OR56A3: variants seen among roughly 807,000 people sequenced by gnomAD.
OR56A3 encodes olfactory receptor family 56 subfamily A member 3.
In OR56A3, 23 loss-of-function variants were observed where a neutral mutation model predicts 17.5. The observed-to-expected ratio is 1.32, with a 90% CI of 0.95 to 1.87. The LOEUF (loss-of-function observed/expected upper bound fraction) is 1.87, where lower values mean the gene tolerates loss of function less well. Ranked by LOEUF, OR56A3 falls within the 40% of genes most tolerant of loss-of-function variation. The pLI, the probability that OR56A3 is intolerant of heterozygous loss-of-function variation, is 0.00. For synonymous variants in OR56A3, 175 were observed against 150.6 expected, an observed-to-expected ratio of 1.16 and a Z score of -1.19; for missense variants, 366 against 380.1, an observed-to-expected ratio of 0.96 and a Z score of 0.31.
At chr11:5,985,690 G>A in the OR56A3 span, among the ~76,000 whole-genome samples, 4 of 152,166 alleles carry the variant, frequency 2.6e-5, no homozygotes. Flanking sequence ...AAGTCCTACT[G>A]ACACAAGGAG....
the OR56A3 span, among the ~76,000 whole-genome samples, chr11:5,993,298 A>C: frequency 6.6e-6 from 1 of 152,230 alleles, no homozygotes; most frequent in Non-Finnish European, 1.5e-5. Flanking sequence ...AGACATGATC[A>C]AAATCTCATT....
chr11:6,006,222 A>G, the OR56A3 span: 3 of 152,156 alleles, frequency 2.0e-5, no homozygotes, highest in Admixed American at 6.5e-5. Context: ...AGGTAATAAT[A>G]TATTTTCAGC....
At chr11:5,957,465 G>A in the OR56A3 span, among the ~76,000 whole-genome samples, 1 of 152,116 alleles carries the variant, frequency 6.6e-6, no homozygotes, top group Non-Finnish European at 1.5e-5. Flanking sequence ...AACATATAGG[G>A]GAATAGCTTC....
chr11:5,972,364 G>A, the OR56A3 span, among the ~76,000 whole-genome samples: 2 of 152,024 alleles, frequency 1.3e-5, no homozygotes, highest in Non-Finnish European at 1.5e-5. Flanking sequence ...TTTTCATGGG[G>A]ATTAATATAA....
chr11:6,012,772 C>A, the OR56A3 span, among the ~76,000 whole-genome samples: 3 of 152,230 alleles, frequency 2.0e-5, no homozygotes, highest in African/African-American at 7.2e-5. Flanking sequence ...CAAGGGGCAC[C>A]TTTAGGCCAC....
chr11:6,010,406 C>T, the OR56A3 span, among the ~76,000 whole-genome samples: 3 of 152,042 alleles, frequency 2.0e-5, no homozygotes, highest in Non-Finnish European at 2.9e-5. Context: ...GAGGTGTAGC[C>T]TTTGGGAGGT....
At chr11:5,957,536 C>T in the OR56A3 span, among the ~76,000 whole-genome samples, 53 of 152,116 alleles carry the variant, frequency 3.5e-4, no homozygotes, top group Admixed American at 2.0e-3. Context: ...TACAAGATAA[C>T]GGAGAAAGCA....
chr11:6,021,711 C>T, the OR56A3 span: 1 of 151,742 alleles, frequency 6.6e-6, no homozygotes, highest in African/African-American at 2.4e-5. Flanking sequence ...GCACAAACCC[C>T]CAAAGGCAGA....
chr11:5,955,203 A>G (rs1051969990), downstream of OR56A3, among the ~76,000 whole-genome samples: 4 of 152,176 alleles, frequency 2.6e-5, no homozygotes, highest in African/African-American at 9.7e-5. Context: ...GTAGTATGTA[A>G]CTAGCACTGG....
chr11:5,960,146 A>G, the OR56A3 span, among the ~76,000 whole-genome samples: 4 of 152,100 alleles, frequency 2.6e-5, no homozygotes, highest in Admixed American at 2.6e-4. Context: ...GTGGCTATTC[A>G]GTATCTTTTG....
At chr11:6,007,104 G>T in the OR56A3 span, among the ~76,000 whole-genome samples, 1 of 152,206 alleles carries the variant, frequency 6.6e-6, no homozygotes, top group African/African-American at 2.4e-5. Flanking sequence ...GTTGTGAAAG[G>T]TGTTCAGCAT....
chr11:6,016,648 C>T, the OR56A3 span, among the ~76,000 whole-genome samples: 1 of 151,834 alleles, frequency 6.6e-6, no homozygotes, highest in African/African-American at 2.4e-5. Context: ...AGTGATTCTA[C>T]AGCAACAGAT....
chr11:5,984,367 C>T, the OR56A3 span, among the ~76,000 whole-genome samples: 1 of 152,128 alleles, frequency 6.6e-6, no homozygotes, highest in East Asian at 1.9e-4. Flanking sequence ...GGTGGTTTAA[C>T]CCAGATACAG....
At chr11:5,994,809 T>C in the OR56A3 span, 1 of 754,922 alleles carries the variant, frequency 1.3e-6, no homozygotes, top group South Asian at 1.3e-5. Context: ...GGTCCCTTCC[T>C]CTCCAGGTGC....
At chr11:5,992,519 G>A in the OR56A3 span, among the ~76,000 whole-genome samples, 22 of 152,072 alleles carry the variant, frequency 1.4e-4, no homozygotes, top group Non-Finnish European at 2.5e-4. Context: ...ATAAACTTCC[G>A]GCATGCAAAT....
At chr11:5,997,008 G>A in the OR56A3 span, among the ~76,000 whole-genome samples, 11 of 152,274 alleles carry the variant, frequency 7.2e-5, no homozygotes, top group African/African-American at 2.6e-4. Context: ...TATCTTTTCT[G>A]ATGCTTCCAT....
the OR56A3 span, among the ~76,000 whole-genome samples, chr11:6,015,685 A>G: frequency 6.6e-6 from 1 of 152,148 alleles, no homozygotes; most frequent in African/African-American, 2.4e-5. Context: ...ATTATTCTGG[A>G]GCTTTAAGGC....
At chr11:6,010,848 TGTGC>T in the OR56A3 span, among the ~76,000 whole-genome samples, 1 of 145,648 alleles carries the variant, frequency 6.9e-6, no homozygotes, top group East Asian at 1.9e-4. Flanking sequence ...TGTGTGTGTG[TGTGC>T]ACGTGAATGT....
the OR56A3 span, chr11:6,017,112 GA>G: frequency 0.71 from 106,526 of 150,766 alleles, 37,758 homozygotes; most frequent in East Asian, 0.94. Flanking sequence ...GGTGCTGTAG[GA>G]AAAAAAAAAA....
Sources: gnomAD v4.1 joint callset for allele counts (sites outside exome capture counted in the v4.1 genomes callset) on GRCh38, gnomAD v4.1.1 for gene constraint, MANE v1.5 for transcripts, NCBI Gene and HGNC (gene_info 2026-07-23, HGNC 2026-07-21) for gene names.